The following FOXO1 variants were observed in gnomAD, a reference collection of about 807,000 sequenced individuals.
The protein encoded by FOXO1 is forkhead box O1, also known as forkhead box protein O1.
A neutral mutation model predicts 44.1 loss-of-function variants in FOXO1; 6 were observed. That is an observed-to-expected ratio of 0.14 (90% confidence interval 0.07 to 0.27). The LOEUF (loss-of-function observed/expected upper bound fraction) is 0.27, where lower values mean the gene tolerates loss of function less well. Among genes scored for constraint, FOXO1 ranks in the 10% least tolerant of loss-of-function variants. The pLI, the probability that FOXO1 is intolerant of heterozygous loss-of-function variation, is 1.00. For synonymous variants in FOXO1, 380 were observed against 362.7 expected, an observed-to-expected ratio of 1.05 and a Z score of -0.54; for missense variants, 737 against 888.8, an observed-to-expected ratio of 0.83 and a Z score of 2.17.
Position 40,578,530 on chromosome 13 carries a change from G to A in FOXO1, c.631-17670C>T, listed in dbSNP as rs186533504. 4.6e-5 allele frequency among the ~76,000 whole-genome samples: 7 copies of A among 152,162 alleles called. 2 individuals are homozygous for A. Among genetic ancestry groups the A allele is most frequent in the Admixed American group, 4.6e-4 (7 of 15,278 alleles). ...ACTGACTGTGTATCAGCATCCTCTG[G>A]ACTCTTCCCTGCAAGTTCCCTGAAG... On this transcript the variant is annotated intron_variant, in intron 1 of 2. Transcript: ENST00000379561.
At chr13:40,578,594 C>T (rs1444121800) in intron 1 of FOXO1, among the ~76,000 whole-genome samples, 1 of 152,182 alleles carries the variant, frequency 6.6e-6, no homozygotes, top group Non-Finnish European at 1.5e-5. Flanking sequence ...TCCTGTAGCA[C>T]CTCCAAAGTA....
chr13:40,582,222 TA>T lies in FOXO1; in HGVS notation c.631-21363del, dbSNP rs573597663. Among the ~76,000 whole-genome samples the T allele has an allele frequency of 4.4e-4, 67 of 152,188 alleles. 1 individual carries two copies. The highest frequency in any genetic ancestry group is 7.6e-4 in the Non-Finnish European group (52 of 68,032). On this transcript the variant is annotated intron_variant, in intron 1 of 2. Coordinates refer to ENST00000379561, the MANE Select transcript of FOXO1 (RefSeq NM_002015.4). ...TATTAAGTGTGCAATAGCCATATTT[TA>T]AAAAAATAATGTACACATCTTAATT...
chr13:40,647,420 C>G (rs1219291642), intron 1 of FOXO1, among the ~76,000 whole-genome samples: 1 of 152,126 alleles, frequency 6.6e-6, no homozygotes, highest in African/African-American at 2.4e-5. Flanking sequence ...CCTCCCCTGC[C>G]CAGAGATGGA....
chr13:40,581,516 CA>C (rs879405106), intron 1 of FOXO1, among the ~76,000 whole-genome samples: 68 of 152,306 alleles, frequency 4.5e-4, no homozygotes, highest in African/African-American at 1.6e-3. Flanking sequence ...TAAATTAAAA[CA>C]ATTAACTTTC....
In FOXO1 at chr13:40,558,768, G is replaced by C. The variant is rs768721318; in HGVS notation, c.*281C>G. 2.5e-6 allele frequency: 1 copy of C among 398,882 alleles called. No homozygotes were observed. Among genetic ancestry groups the C allele is most frequent in the Non-Finnish European group, 4.4e-6 (1 of 225,986 alleles). The allele number at this position is 398,882 out of a possible 1,614,324, so 24.7% of individuals were successfully genotyped here. A position where few individuals can be genotyped will look rare whatever the true frequency, so the allele number is the denominator to read the frequency against. On this transcript the variant is annotated 3_prime_UTR_variant, in exon 3 of 3. Coordinates refer to ENST00000379561, the MANE Select transcript of FOXO1 (RefSeq NM_002015.4). ...TGAAAATCTTTTCTGCAATTATATG[G>C]TGTAGTGAGTTTGGCACTTCATTGT...
chr13:40,662,446 T>C (rs962448204), intron 1 of FOXO1, among the ~76,000 whole-genome samples: 1 of 152,160 alleles, frequency 6.6e-6, no homozygotes, highest in Non-Finnish European at 1.5e-5. Flanking sequence ...TTATAAATAC[T>C]GCACTAGATT....
intron 1 of FOXO1, among the ~76,000 whole-genome samples, chr13:40,606,502 G>A (rs1876005774): frequency 6.6e-6 from 1 of 152,052 alleles, no homozygotes; most frequent in African/African-American, 2.4e-5. Flanking sequence ...TAGTAGAGAT[G>A]GGGTTTCACC....
At chr13:40,598,725 G>A (rs1432770766) in intron 1 of FOXO1, among the ~76,000 whole-genome samples, 1 of 152,206 alleles carries the variant, frequency 6.6e-6, no homozygotes, top group Admixed American at 6.5e-5. Context: ...GTGGTTCTGA[G>A]GCCAGCAGCA....
In FOXO1 at chr13:40,560,076, G is replaced by C. The variant is rs1476399586; in HGVS notation, c.1415C>G (p.Pro472Arg). The C allele has an allele frequency of 3.7e-6, 6 of 1,614,130 alleles. No individual in the cohort carries two copies. Among genetic ancestry groups the C allele is most frequent in the Non-Finnish European group, 5.1e-6 (6 of 1,180,018 alleles). ...AACTGGTGTCATAATGTCATTATGGGGAGGAGAGTCAGAAGTCAGCAACTC... is the reference window on the plus strand; with the variant it reads ...AACTGGTGTCATAATGTCATTATGGCGAGGAGAGTCAGAAGTCAGCAACTC... Reference protein sequence around the residue: ...LKELLTSDSPPHNDIMTPVDP... With the variant: ...LKELLTSDSPRHNDIMTPVDP... Residue 472 changes from proline to arginine, a missense_variant, in exon 2 of 3, where the codon CCC becomes CGC. Coordinates refer to ENST00000379561, the MANE Select transcript of FOXO1 (RefSeq NM_002015.4). The surrounding 1 kb of genome is among the most constrained non-coding windows in gnomAD (Gnocchi z 5.1).
intron 1 of FOXO1, among the ~76,000 whole-genome samples, chr13:40,644,856 TA>T (rs1419866400): frequency 1.1e-4 from 17 of 152,210 alleles, no homozygotes; most frequent in African/African-American, 3.9e-4. Context: ...AGCCAGAAGT[TA>T]AAATTAAGAA....
At chr13:40,591,531 G>A (rs1490609310) in intron 1 of FOXO1, among the ~76,000 whole-genome samples, 1 of 152,150 alleles carries the variant, frequency 6.6e-6, no homozygotes, top group African/African-American at 2.4e-5. Context: ...GGGCAGGCCA[G>A]CCAGGTAGGG....
chr13:40,566,967 A>G (rs1196958112), intron 1 of FOXO1, among the ~76,000 whole-genome samples: 1 of 152,006 alleles, frequency 6.6e-6, no homozygotes, highest in Non-Finnish European at 1.5e-5. Context: ...ACCTGGTCCC[A>G]CCCTCTGCTT....
Position 40,666,228 on chromosome 13 carries a change from T to C in FOXO1, c.-16A>G, listed in dbSNP as rs2137951234. ...CCTCGGCCATGGTGACCCCCGCCCC[T>C]CCCCCAGCCGCAGGAGAGCCAAGAG... On this transcript the variant is annotated 5_prime_UTR_variant, in exon 1 of 3. Transcript: ENST00000379561. The C allele has an allele frequency of 2.2e-6, 3 of 1,381,168 alleles. No homozygotes were observed. The highest frequency in any genetic ancestry group is 2.8e-6 in the Non-Finnish European group (3 of 1,068,228). 85.6% of individuals were successfully genotyped at this position (1,381,168 alleles called of 1,614,324 possible).
At chr13:40,621,252 T>G in intron 1 of FOXO1, 1 of 798,094 alleles carries the variant, frequency 1.3e-6, no homozygotes, top group African/African-American at 1.8e-5. Flanking sequence ...CAGGCATGAA[T>G]TTCATATTCA....
At chr13:40,587,368 G>A (rs1316144222) in intron 1 of FOXO1, among the ~76,000 whole-genome samples, 1 of 151,972 alleles carries the variant, frequency 6.6e-6, no homozygotes, top group Non-Finnish European at 1.5e-5. Context: ...TCCGTGAAAG[G>A]AAGGAAAACA....
intron 1 of FOXO1, among the ~76,000 whole-genome samples, chr13:40,639,497 C>G (rs1409132566): frequency 2.0e-5 from 3 of 152,222 alleles, no homozygotes; most frequent in African/African-American, 7.2e-5. Flanking sequence ...AAATCACTCA[C>G]TAAGCAACAA....
chr13:40,573,030 C>T lies in FOXO1; in HGVS notation c.631-12170G>A, dbSNP rs774884978. 3.3e-5 allele frequency among the ~76,000 whole-genome samples: 5 copies of T among 152,284 alleles called. No homozygotes were observed. In the South Asian group the frequency reaches 1.0e-3, roughly 32 times the overall value. On this transcript the variant is annotated intron_variant, in intron 1 of 2. Transcript: ENST00000379561. ...ACCTAAAAAGCCTCCATGACTCCTC[C>T]TGGCCCTCCTCAATGTGCCCACACT...
Position 40,603,527 on chromosome 13 carries a change from C to T in FOXO1, c.631-42667G>A, listed in dbSNP as rs1875889023. The stretch of plus-strand genomic sequence containing the variant: ...CCTTAAAAATATACAGGAAACTGTG[C>T]TTGAGGTACAGCAAACCTTTGAACC... On this transcript the variant is annotated intron_variant, in intron 1 of 2. Transcript: ENST00000379561. Among the ~76,000 whole-genome samples, 3 of 152,008 alleles carry T rather than the reference C, an allele frequency of 2.0e-5. No individual in the cohort carries two copies. The South Asian group carries it at 6.2e-4, about 31-fold the overall frequency.
At chr13:40,559,057 GCA>G (rs777291566) in intron 2 of FOXO1, 23 bp from the exon 3 acceptor site, 6 of 396,830 alleles carry the variant, frequency 1.5e-5, no homozygotes, top group Non-Finnish European at 2.7e-5. Flanking sequence ...ACATACATAC[GCA>G]CACACACATA....
Sources: allele counts gnomAD v4.1 joint callset (sites outside exome capture counted in the v4.1 genomes callset), GRCh38; gene constraint gnomAD v4.1.1; non-coding constraint Gnocchi (gnomAD v3.1); transcripts MANE v1.5; gene names NCBI Gene and HGNC (gene_info 2026-07-23, HGNC 2026-07-21).